ZNF783: variants seen among roughly 807,000 people sequenced by gnomAD.
ZNF783 encodes protein ZNF783.
A neutral mutation model predicts 31.3 loss-of-function variants in ZNF783; 25 were observed. The ratio of observed to expected loss-of-function variants is 0.80; its 90% confidence interval spans 0.58 to 1.11. ZNF783 has a LOEUF of 1.11. ZNF783 is among the 50% of genes most tolerant of loss of function. The pLI, the probability that ZNF783 is intolerant of heterozygous loss-of-function variation, is 0.00. For missense variants in ZNF783, 797 were observed against 760.0 expected (o/e 1.05, Z -0.57); for synonymous variants, 369 against 319.1 (o/e 1.16, Z -1.66).
At chr7:149,278,299 C>T in intron 4 of ZNF783, 100 bp from the exon 5 acceptor site, 1 of 1,538,792 alleles carries the variant, frequency 6.5e-7, no homozygotes, top group Non-Finnish European at 8.7e-7. Context: ...GAGCTGAGGC[C>T]CCAGGATCGC....
In ZNF783 at chr7:149,266,336, AC is replaced by A; in HGVS notation, c.30del (p.Glu11ArgfsTer51). Reference protein sequence around the residue: MAEAAPARDPETDKHTEDQ... With the variant: MAEAAPARXPETDKHTEDQ... Reference sequence around the variant, plus strand: ...TCTCTTTTCTCTTCTTGTGAGCAGGACCCCGAGACAGACAAGCACACAGAGG... The same window carrying A: ...TCTCTTTTCTCTTCTTGTGAGCAGGACCCGAGACAGACAAGCACACAGAGG... On this transcript the variant is annotated frameshift_variant and splice_region_variant, in exon 2 of 6. Coordinates refer to ENST00000434415, the MANE Select transcript of ZNF783 (RefSeq NM_001195220.2). LOFTEE classifies it high-confidence loss of function. The A allele has an allele frequency of 2.6e-6, 4 of 1,558,056 alleles. No individual in the cohort carries two copies. Among genetic ancestry groups the A allele is most frequent in the South Asian group, 1.2e-5 (1 of 86,154 alleles).
At chr7:149,277,018 T>G (rs1275344168) in intron 4 of ZNF783, 2 of 152,128 alleles carry the variant, frequency 1.3e-5, no homozygotes, top group African/African-American at 2.4e-5. Flanking sequence ...CCAGCTAATT[T>G]TTTGTATTTT....
At chr7:149,263,934 G>A (rs966920533) in intron 1 of ZNF783, among the ~76,000 whole-genome samples, 1 of 152,124 alleles carries the variant, frequency 6.6e-6, no homozygotes, top group African/African-American at 2.4e-5. Context: ...TTATAGTCCT[G>A]TTCCCTGGGA....
chr7:149,282,101 G>C lies in ZNF783; in HGVS notation c.1399G>C (p.Ala467Pro). Residue 467 changes from alanine to proline, a missense_variant, in exon 6 of 6, where the codon GCC becomes CCC. Transcript: ENST00000434415. Reference sequence around the variant, plus strand: ...CACCGGCAATGGCCAGGGCTGGCCCGCCTGCCCCTACTGCGGCAAGGCCTT... The same window carrying C: ...CACCGGCAATGGCCAGGGCTGGCCCCCCTGCCCCTACTGCGGCAAGGCCTT... ...LHTGNGQGWP[A>P]CPYCGKAFRR... 3 of 1,597,306 alleles carry C rather than the reference G, an allele frequency of 1.9e-6. No individual in the cohort carries two copies. Among genetic ancestry groups the C allele is most frequent in the Non-Finnish European group, 2.5e-6 (3 of 1,178,968 alleles).
In ZNF783 at chr7:149,262,325, C is replaced by T. The variant is rs1193064312; in HGVS notation, c.-9C>T. The T allele has an allele frequency of 2.2e-6, 3 of 1,354,390 alleles. No individual in the cohort carries two copies. The highest frequency in any genetic ancestry group is 2.9e-6 in the Non-Finnish European group (3 of 1,048,518). 83.9% of individuals were successfully genotyped at this position (1,354,390 alleles called of 1,614,324 possible). A position where few individuals can be genotyped will look rare whatever the true frequency, so the allele number is the denominator to read the frequency against. On this transcript the variant is annotated 5_prime_UTR_variant, in exon 1 of 6. Coordinates refer to ENST00000434415, the MANE Select transcript of ZNF783 (RefSeq NM_001195220.2). The stretch of plus-strand genomic sequence containing the variant: ...AGGGACTGCAACCCAGCGAGGGACG[C>T]GGGCAGCCATGGCCGAAGCGGCGCC...
rs773713729 is a variant in ZNF783 at position 149,282,130 on chromosome 7, C to T, written c.1428C>T (p.Arg476=). ...GCCCCTACTGCGGCAAGGCCTTCCGCCGGCCCTCGGACCTCTTCCGGCACC... is the reference window on the plus strand; with the variant it reads ...GCCCCTACTGCGGCAAGGCCTTCCGTCGGCCCTCGGACCTCTTCCGGCACC... ...PACPYCGKAF[R]RPSDLFRHQR... The change falls in exon 6 of 6, where the codon CGC becomes CGT. Residue 476 remains arginine (R), a synonymous_variant. Coordinates refer to ENST00000434415, the MANE Select transcript of ZNF783 (RefSeq NM_001195220.2). The T allele has an allele frequency of 2.0e-5, 32 of 1,599,410 alleles. No homozygotes were observed. The Admixed American group carries it at 5.2e-4, about 26-fold the overall frequency.
chr7:149,262,974 G>A lies in ZNF783; in HGVS notation c.24+617G>A, dbSNP rs561156931. ...GAGTCTCGCTCTGTTGCGCATGCTG[G>A]ATGGAGTGCAGTGGCACGATCTCGG... On this transcript the variant is annotated intron_variant, in intron 1 of 5. Transcript: ENST00000434415. Among the ~76,000 whole-genome samples the A allele has an allele frequency of 2.6e-5, 4 of 152,162 alleles. No individual in the cohort carries two copies. In the East Asian group the frequency reaches 5.8e-4, roughly 22 times the overall value.
intron 5 of ZNF783, among the ~76,000 whole-genome samples, chr7:149,280,073 A>AGCACCAGCATTTTATCTTTGATTAAG (rs1797426812): frequency 1.3e-5 from 2 of 149,754 alleles, no homozygotes; most frequent in African/African-American, 2.5e-5. Context: ...CACCTCCCGG[A>AGCACCAGCATTTTATCTTTGATTAAG]CGGGGCGGCT....
At chr7:149,264,872 C>CAAA (rs56837970) in intron 1 of ZNF783, among the ~76,000 whole-genome samples, 28 of 53,024 alleles carry the variant, frequency 5.3e-4, no homozygotes, top group African/African-American at 2.0e-3. Context: ...GACTCCGTCT[C>CAAA]AAAAAAAAAA....
intron 4 of ZNF783, among the ~76,000 whole-genome samples, chr7:149,277,610 G>A (rs1228937439): frequency 6.6e-6 from 1 of 151,866 alleles, no homozygotes; most frequent in Non-Finnish European, 1.5e-5. Flanking sequence ...CATGGTAATG[G>A]GCGTCTGTAA....
chr7:149,281,043 C>T (rs1193632644), intron 5 of ZNF783, among the ~76,000 whole-genome samples: 1 of 152,242 alleles, frequency 6.6e-6, no homozygotes, highest in Non-Finnish European at 1.5e-5. Context: ...GTGCAGCACT[C>T]ACCACCTCTA....
Position 149,266,592 on chromosome 7 carries a change from C to A in ZNF783, c.282C>A (p.Gly94=). The change falls in exon 2 of 6, where the codon GGC becomes GGA. Residue 94 remains glycine (G), a synonymous_variant. Transcript: ENST00000434415. ...TGGAGTTCGGGAACCAGCTGGAGGG[C>A]AAGTGGGCCGTGCTGGGGACCTTGC... ...TAVEFGNQLE[G]KWAVLGTLLQ... The A allele has an allele frequency of 6.2e-7, 1 of 1,614,174 alleles. No homozygotes were observed. Among genetic ancestry groups the A allele is most frequent in the East Asian group, 2.2e-5 (1 of 44,878 alleles).
Position 149,281,950 on chromosome 7 carries a change from C to CCGCT in ZNF783, c.1250_1253dup (p.Val419LeufsTer74). The CCGCT allele has an allele frequency of 6.4e-7, 1 of 1,561,032 alleles. No individual in the cohort carries two copies. Among genetic ancestry groups the CCGCT allele is most frequent in the Non-Finnish European group, 8.6e-7 (1 of 1,159,554 alleles). On this transcript the variant is annotated frameshift_variant, in exon 6 of 6. Coordinates refer to ENST00000434415, the MANE Select transcript of ZNF783 (RefSeq NM_001195220.2). LOFTEE classifies it low-confidence loss of function (END_TRUNC). The stretch of plus-strand genomic sequence containing the variant: ...GGCTCCCCGAGGAGCCTGAGGGTCG[C>CCGCT]CGCTCCGTGGCAGGGGGCCGTGCCT...
chr7:149,262,261 G>C lies in ZNF783; in HGVS notation c.-73G>C. On this transcript the variant is annotated 5_prime_UTR_variant, in exon 1 of 6. Transcript: ENST00000434415. Reference sequence around the variant, plus strand: ...AGGCGGGTCCCGCTCCGCTTCCGCCGTCGCTGCCGCGCCGCCCCGGGCCCG... The same window carrying C: ...AGGCGGGTCCCGCTCCGCTTCCGCCCTCGCTGCCGCGCCGCCCCGGGCCCG... The C allele has an allele frequency of 2.3e-6, 3 of 1,288,724 alleles. No homozygotes were observed. The South Asian group carries it at 5.7e-5, about 25-fold the overall frequency. The allele number at this position is 1,288,724 out of a possible 1,614,324, so 79.8% of individuals were successfully genotyped here. A position where few individuals can be genotyped will look rare whatever the true frequency, so the allele number is the denominator to read the frequency against.
intron 1 of ZNF783, among the ~76,000 whole-genome samples, chr7:149,262,909 TTACTG>T (rs1040703595): frequency 4.6e-5 from 7 of 152,332 alleles, no homozygotes; most frequent in African/African-American, 1.4e-4. Context: ...TTAAAAAAGA[TTACTG>T]TAGCAGATTT....
chr7:149,273,525 T>C (rs1376121003), intron 4 of ZNF783, among the ~76,000 whole-genome samples: 1 of 152,074 alleles, frequency 6.6e-6, no homozygotes, highest in Non-Finnish European at 1.5e-5. Flanking sequence ...CCTTTTCATA[T>C]ACCTGTTTGC....
Position 149,278,432 on chromosome 7 carries a change from C to A in ZNF783, c.707C>A (p.Pro236Gln), listed in dbSNP as rs757207144. The A allele has an allele frequency of 4.4e-6, 7 of 1,599,410 alleles. No homozygotes were observed. The South Asian group carries it at 7.7e-5, about 18-fold the overall frequency. Residue 236 changes from proline (P) to glutamine (Q), a missense_variant, in exon 5 of 6, where the codon CCA (proline) becomes CAA (glutamine). By Grantham distance (76) the Pro-to-Gln change is moderately conservative (BLOSUM62 -1). Transcript: ENST00000434415. ...LPPYPEHLTSPLSPAQEELKE... is the reference protein window; with the variant it reads ...LPPYPEHLTSQLSPAQEELKE... ...CCGTATCCAGAGCACCTCACCAGCCCACTTAGCCCTGCCCAGGAGGAGCTG... is the reference window on the plus strand; with the variant it reads ...CCGTATCCAGAGCACCTCACCAGCCAACTTAGCCCTGCCCAGGAGGAGCTG...
intron 1 of ZNF783, among the ~76,000 whole-genome samples, chr7:149,265,139 T>C (rs1481773344): frequency 1.3e-5 from 2 of 152,098 alleles, no homozygotes; most frequent in African/African-American, 4.8e-5. Context: ...TTTTGGAAGT[T>C]AGGACCTGAT....
At position 149,266,338 on chromosome 7, in the gene ZNF783, C is replaced by T. The variant is rs1320417373; in HGVS notation, c.28C>T (p.Pro10Ser). The stretch of plus-strand genomic sequence containing the variant: ...TCTTTTCTCTTCTTGTGAGCAGGAC[C>T]CCGAGACAGACAAGCACACAGAGGA... Reference protein sequence around the residue: MAEAAPARDPETDKHTEDQS... With the variant: MAEAAPARDSETDKHTEDQS... The change falls in exon 2 of 6, where the codon CCC becomes TCC. Residue 10 changes from proline (P) to serine (S), a missense_variant. By Grantham distance (74) the Pro-to-Ser change is moderately conservative. Coordinates refer to ENST00000434415, the MANE Select transcript of ZNF783 (RefSeq NM_001195220.2). 2.5e-6 allele frequency: 4 copies of T among 1,569,544 alleles called. No homozygotes were observed. Among genetic ancestry groups the T allele is most frequent in the African/African-American group, 2.7e-5 (2 of 73,574 alleles).
Sources: allele counts gnomAD v4.1 joint callset (sites outside exome capture counted in the v4.1 genomes callset), GRCh38; gene constraint gnomAD v4.1.1; transcripts MANE v1.5; gene names NCBI Gene and HGNC (gene_info 2026-07-23, HGNC 2026-07-21).